Variants in CHST8 observed in about 807,000 individuals in gnomAD.
CHST8 encodes carbohydrate sulfotransferase 8, also known as GALNAC-4-ST1.
Under a neutral mutation model 15.0 loss-of-function variants are expected in CHST8, and 10 were observed. The observed-to-expected ratio is 0.67, with a 90% CI of 0.41 to 1.13. CHST8 has a LOEUF of 1.13. CHST8 is among the 50% of genes most tolerant of loss of function. CHST8 has a pLI of 0.00. For synonymous variants in CHST8, 259 were observed against 256.6 expected, an observed-to-expected ratio of 1.01 and a Z score of -0.09; for missense variants, 634 against 608.2, an observed-to-expected ratio of 1.04 and a Z score of -0.45.
chr19:33,718,273 C>CAGT (rs1335685379), intron 3 of CHST8, among the ~76,000 whole-genome samples: 1 of 106,042 alleles, frequency 9.4e-6, no homozygotes, highest in Non-Finnish European at 2.1e-5. Context: ...GGCTGGACTA[C>CAGT]AGTGGCCCAA....
At chr19:33,765,513 T>TGTGTGTGTGTG (rs1974816215) in intron 3 of CHST8, among the ~76,000 whole-genome samples, 2 of 131,608 alleles carry the variant, frequency 1.5e-5, no homozygotes, top group African/African-American at 6.0e-5. Context: ...ATGCCAGTCT[T>TGTGTGTGTGTG]TGTGTGTGTG....
At chr19:33,662,967 C>T (rs1198212657) in intron 1 of CHST8, among the ~76,000 whole-genome samples, 1 of 152,118 alleles carries the variant, frequency 6.6e-6, no homozygotes, top group South Asian at 2.1e-4. Context: ...TTGCATGGGG[C>T]GTGTAGAGTC....
At chr19:33,682,490 AC>A (rs1222501325) in intron 2 of CHST8, among the ~76,000 whole-genome samples, 1 of 152,162 alleles carries the variant, frequency 6.6e-6, no homozygotes, top group Admixed American at 6.5e-5. Flanking sequence ...GGCAACCATC[AC>A]CACTATCCAT....
intron 1 of CHST8, among the ~76,000 whole-genome samples, chr19:33,664,547 G>T (rs1200197561): frequency 6.7e-6 from 1 of 148,692 alleles, no homozygotes; most frequent in East Asian, 2.0e-4. Flanking sequence ...GCGGTGTTTG[G>T]TTTTTTGGGA....
intron 3 of CHST8, among the ~76,000 whole-genome samples, chr19:33,703,847 C>T (rs1973391087): frequency 6.6e-6 from 1 of 152,224 alleles, no homozygotes; most frequent in African/African-American, 2.4e-5. Flanking sequence ...GTGGAAGATT[C>T]GCTCATTTTG....
At chr19:33,692,059 A>G (rs1973108139) in intron 3 of CHST8, among the ~76,000 whole-genome samples, 1 of 152,128 alleles carries the variant, frequency 6.6e-6, no homozygotes, top group Non-Finnish European at 1.5e-5. Context: ...TGAACTTTAC[A>G]TGGATCAGCC....
At chr19:33,661,726 G>A (rs1220145355) in intron 1 of CHST8, among the ~76,000 whole-genome samples, 5 of 152,154 alleles carry the variant, frequency 3.3e-5, no homozygotes, top group African/African-American at 1.2e-4. Flanking sequence ...CAGCTCAAGA[G>A]GTCTTTTTAA....
At chr19:33,700,095 G>A (rs1973302899) in intron 3 of CHST8, among the ~76,000 whole-genome samples, 1 of 152,212 alleles carries the variant, frequency 6.6e-6, no homozygotes, top group African/African-American at 2.4e-5. Context: ...TCTAAGCCCA[G>A]ACTCCTTCCT....
chr19:33,705,345 A>ATACC (rs554345526), intron 3 of CHST8, among the ~76,000 whole-genome samples: 69 of 152,312 alleles, frequency 4.5e-4, no homozygotes, highest in African/African-American at 1.5e-3. Flanking sequence ...GCCCTGCCAG[A>ATACC]TACCTGTTCA....
intron 1 of CHST8, among the ~76,000 whole-genome samples, chr19:33,644,123 C>A (rs11882375): frequency 2.6e-5 from 4 of 151,688 alleles, no homozygotes; most frequent in Non-Finnish European, 4.4e-5. Context: ...GGTAGAGATG[C>A]GGTTTCACCA....
At chr19:33,671,078 G>C (rs1032000533) in intron 2 of CHST8, among the ~76,000 whole-genome samples, 4 of 152,018 alleles carry the variant, frequency 2.6e-5, no homozygotes, top group Admixed American at 1.3e-4. Context: ...CATATAACGA[G>C]CAGCTAAGTT....
At chr19:33,762,592 G>C (rs968788015) in intron 3 of CHST8, among the ~76,000 whole-genome samples, 1 of 152,244 alleles carries the variant, frequency 6.6e-6, no homozygotes, top group Non-Finnish European at 1.5e-5. Context: ...CGCTGCGCTG[G>C]GGGCAGGAGC....
At chr19:33,659,964 C>A (rs75617390) in intron 1 of CHST8, among the ~76,000 whole-genome samples, 2,981 of 152,294 alleles carry the variant, frequency 0.02, 104 homozygotes, top group African/African-American at 0.068. Flanking sequence ...CGGGGCTGAT[C>A]CCTGGAATCC....
chr19:33,722,110 T>TGGAG (rs1293754084), intron 3 of CHST8, among the ~76,000 whole-genome samples: 7,562 of 108,160 alleles, frequency 0.07, 562 homozygotes, highest in Admixed American at 0.14. Context: ...GATGGATGGA[T>TGGAG]GAAGGGATGG....
intron 1 of CHST8, among the ~76,000 whole-genome samples, chr19:33,624,166 AT>A (rs1367898677): frequency 6.6e-6 from 1 of 152,248 alleles, no homozygotes; most frequent in Non-Finnish European, 1.5e-5. Flanking sequence ...AAGACCCCAA[AT>A]TAAAAAGTCA....
intron 3 of CHST8, among the ~76,000 whole-genome samples, chr19:33,724,411 G>A (rs1226993650): frequency 1.3e-5 from 2 of 152,210 alleles, no homozygotes; most frequent in Non-Finnish European, 2.9e-5. Context: ...TTTAGATGAG[G>A]ATACCCCCGG....
intron 2 of CHST8, among the ~76,000 whole-genome samples, chr19:33,677,818 G>T (rs1972829593): frequency 6.6e-6 from 1 of 152,224 alleles, no homozygotes; most frequent in African/African-American, 2.4e-5. Context: ...TGGCCTGGGG[G>T]CCATCAAGGA....
intron 3 of CHST8, among the ~76,000 whole-genome samples, chr19:33,701,104 C>T (rs1471613630): frequency 6.6e-6 from 1 of 152,094 alleles, no homozygotes; most frequent in East Asian, 1.9e-4. Context: ...GCCACACTCC[C>T]TGGGAGGCCC....
At chr19:33,677,344 T>C (rs1972823664) in intron 2 of CHST8, among the ~76,000 whole-genome samples, 1 of 152,134 alleles carries the variant, frequency 6.6e-6, no homozygotes, top group Admixed American at 6.5e-5. Flanking sequence ...GTCCTTGAGG[T>C]TGAGCGATGA....
Sources: gnomAD v4.1 joint callset for allele counts (sites outside exome capture counted in the v4.1 genomes callset) on GRCh38, gnomAD v4.1.1 for gene constraint, MANE v1.5 for transcripts, NCBI Gene and HGNC (gene_info 2026-07-23, HGNC 2026-07-21) for gene names.